The following FCHSD2 variants were observed in gnomAD, a reference collection of about 807,000 sequenced individuals.
The protein encoded by FCHSD2 is FCH and double SH3 domains 2.
FCHSD2 carries 38 observed loss-of-function variants against 108.1 expected under a neutral mutation model. The observed-to-expected ratio is 0.35, with a 90% confidence interval of 0.27 to 0.46. FCHSD2 has a LOEUF of 0.46. Among genes scored for constraint, FCHSD2 ranks in the 20% least tolerant of loss-of-function variants. The pLI is 1.00. For synonymous variants in FCHSD2, 279 were observed against 314.7 expected, an observed-to-expected ratio of 0.89 and a Z score of 1.20; for missense variants, 751 against 897.8, an observed-to-expected ratio of 0.84 and a Z score of 2.09.
At chr11:73,115,447 C>T (rs1341328350) in intron 2 of FCHSD2, among the ~76,000 whole-genome samples, 2 of 152,160 alleles carry the variant, frequency 1.3e-5, no homozygotes, top group Non-Finnish European at 2.9e-5. Flanking sequence ...TGAGCCACTG[C>T]GCCCGCCCTA....
chr11:72,889,696 G>A, intron 11 of FCHSD2, 133 bp downstream of exon 11: 1 of 609,720 alleles, frequency 1.6e-6, no homozygotes, highest in Non-Finnish European at 2.9e-6. Context: ...CTGGGTGACA[G>A]AGCAAGCCTC....
At chr11:72,887,823 G>T (rs887799761) in intron 11 of FCHSD2, among the ~76,000 whole-genome samples, 1 of 152,094 alleles carries the variant, frequency 6.6e-6, no homozygotes, top group African/African-American at 2.4e-5. Context: ...AGACCCCAAG[G>T]GAAACTGCTA....
At chr11:73,131,361 CAA>C (rs55755311) in intron 2 of FCHSD2, among the ~76,000 whole-genome samples, 28 of 101,210 alleles carry the variant, frequency 2.8e-4, no homozygotes, top group African/African-American at 4.5e-4. Context: ...ACTAAAAGTA[CAA>C]AAAAAAAAAA....
At chr11:73,031,700 T>C (rs879852712) in intron 3 of FCHSD2, among the ~76,000 whole-genome samples, 3 of 152,232 alleles carry the variant, frequency 2.0e-5, no homozygotes, top group Non-Finnish European at 4.4e-5. Context: ...AACCCAAGCC[T>C]TCTGACTCCA....
Position 72,891,018 on chromosome 11 carries a change from G to C in FCHSD2, c.925-1073C>G, listed in dbSNP as rs183007295. On this transcript the variant is annotated intron_variant, in intron 10 of 19. Transcript: ENST00000409418. ...CTGCAGCCTCAACCTCCGGGCTCAA[G>C]TGACTCTCCCACTTCAGCCTCCTGA... Among the ~76,000 whole-genome samples the C allele has an allele frequency of 5.3e-5, 8 of 152,224 alleles. No homozygotes were observed. The East Asian group carries it at 9.6e-4, about 18-fold the overall frequency.
At chr11:73,032,916 C>T (rs1426075595) in intron 3 of FCHSD2, among the ~76,000 whole-genome samples, 1 of 152,010 alleles carries the variant, frequency 6.6e-6, no homozygotes, top group Non-Finnish European at 1.5e-5. Flanking sequence ...ATCAAGCTTG[C>T]GAGCAGTGCA....
At chr11:72,911,258 T>G (rs528052095) in intron 9 of FCHSD2, among the ~76,000 whole-genome samples, 5 of 152,356 alleles carry the variant, frequency 3.3e-5, no homozygotes, top group African/African-American at 1.2e-4. Flanking sequence ...CTTTCTCCAA[T>G]GTATGTTCTT....
intron 2 of FCHSD2, among the ~76,000 whole-genome samples, chr11:73,124,893 G>C (rs1860818245): frequency 6.6e-6 from 1 of 152,000 alleles, no homozygotes; most frequent in Non-Finnish European, 1.5e-5. Context: ...GGAAACCAAA[G>C]ATAAAGAGAA....
At chr11:72,881,588 C>T (rs1855088246) in intron 12 of FCHSD2, among the ~76,000 whole-genome samples, 1 of 152,110 alleles carries the variant, frequency 6.6e-6, no homozygotes, top group African/African-American at 2.4e-5. Flanking sequence ...ACCTTCATCC[C>T]CTGTTTATTA....
At chr11:73,123,937 G>T (rs1860792751) in intron 2 of FCHSD2, among the ~76,000 whole-genome samples, 1 of 152,150 alleles carries the variant, frequency 6.6e-6, no homozygotes, top group African/African-American at 2.4e-5. Context: ...GTTTAAATTT[G>T]TCATGAACAG....
chr11:73,038,894 T>C (rs779342008), intron 3 of FCHSD2, among the ~76,000 whole-genome samples: 2 of 152,210 alleles, frequency 1.3e-5, no homozygotes, highest in South Asian at 2.1e-4. Context: ...AATATCCATA[T>C]AAATTATGAC....
intron 2 of FCHSD2, among the ~76,000 whole-genome samples, chr11:73,101,380 T>C (rs1172322315): frequency 1.3e-5 from 2 of 152,156 alleles, no homozygotes; most frequent in Non-Finnish European, 1.5e-5. Context: ...GTGATAACTC[T>C]GTACTGAGGT....
chr11:73,114,319 C>T (rs909612402), intron 2 of FCHSD2, among the ~76,000 whole-genome samples: 3 of 152,024 alleles, frequency 2.0e-5, no homozygotes, highest in African/African-American at 7.2e-5. Context: ...TGGGACTAAC[C>T]CTTCAGCGCA....
At chr11:72,901,114 G>A (rs1194355358) in intron 10 of FCHSD2, among the ~76,000 whole-genome samples, 1 of 152,132 alleles carries the variant, frequency 6.6e-6, no homozygotes, top group Admixed American at 6.5e-5. Flanking sequence ...AATTGGGGCC[G>A]GACATCGTGG....
At chr11:72,861,509 G>C (rs933714486) in intron 13 of FCHSD2, among the ~76,000 whole-genome samples, 1 of 152,072 alleles carries the variant, frequency 6.6e-6, no homozygotes, top group African/African-American at 2.4e-5. Flanking sequence ...ACTTGAAGAG[G>C]AGAGGATACT....
intron 10 of FCHSD2, among the ~76,000 whole-genome samples, chr11:72,896,808 C>G (rs1160998141): frequency 7.0e-6 from 1 of 142,202 alleles, no homozygotes; most frequent in Non-Finnish European, 1.5e-5. Context: ...ATATGCTTGC[C>G]TTGTGGATTT....
At chr11:73,050,199 C>G (rs1858866507) in intron 3 of FCHSD2, among the ~76,000 whole-genome samples, 1 of 152,120 alleles carries the variant, frequency 6.6e-6, no homozygotes, top group Non-Finnish European at 1.5e-5. Context: ...CGTGGTCTAA[C>G]AAAACTTTAC....
intron 8 of FCHSD2, among the ~76,000 whole-genome samples, chr11:72,974,423 C>T (rs191521488): frequency 7.9e-5 from 12 of 152,336 alleles, no homozygotes; most frequent in Admixed American, 2.0e-4. Flanking sequence ...TCCCACTTCT[C>T]AGTATTGTTG....
chr11:73,133,597 C>T (rs1861053100), intron 2 of FCHSD2, among the ~76,000 whole-genome samples: 1 of 151,880 alleles, frequency 6.6e-6, no homozygotes, highest in South Asian at 2.1e-4. Context: ...TACTAAACAT[C>T]ACTGAGGCTT....
Sources: allele counts gnomAD v4.1 joint callset (sites outside exome capture counted in the v4.1 genomes callset), GRCh38; gene constraint gnomAD v4.1.1; transcripts MANE v1.5; gene names NCBI Gene and HGNC (gene_info 2026-07-23, HGNC 2026-07-21).